Variants in PTPRK observed in about 807,000 individuals in gnomAD.
PTPRK encodes the protein receptor-type tyrosine-protein phosphatase kappa.
In PTPRK, 75 loss-of-function variants were observed where a neutral mutation model predicts 178.0. The observed-to-expected ratio is 0.42, with a 90% CI of 0.35 to 0.51. PTPRK has a LOEUF of 0.51. Ranked by LOEUF, PTPRK falls within the 20% of genes least tolerant of loss-of-function variation. PTPRK has a pLI of 0.02. For synonymous variants in PTPRK, 637 were observed against 620.6 expected, an observed-to-expected ratio of 1.03 and a Z score of -0.39; for missense variants, 1,441 against 1,797.8, an observed-to-expected ratio of 0.80 and a Z score of 3.59.
chr6:128,221,957 A>G (rs1486137202), intron 5 of PTPRK, among the ~76,000 whole-genome samples: 1 of 151,834 alleles, frequency 6.6e-6, no homozygotes, highest in East Asian at 1.9e-4. Flanking sequence ...CAATCTTCCT[A>G]ATTGGAAGGC....
At chr6:128,103,269 G>C (rs567769538) in intron 7 of PTPRK, among the ~76,000 whole-genome samples, 2 of 151,986 alleles carry the variant, frequency 1.3e-5, no homozygotes, top group Non-Finnish European at 2.9e-5. Context: ...CATACATCCC[G>C]CTGAGAGCCA....
intron 1 of PTPRK, among the ~76,000 whole-genome samples, chr6:128,489,442 G>A (rs1054713647): frequency 2.6e-5 from 4 of 152,104 alleles, no homozygotes; most frequent in African/African-American, 7.2e-5. Flanking sequence ...CCATGAGCTG[G>A]AACAAACTTC....
Position 128,184,853 on chromosome 6 carries a change from A to G in PTPRK, c.869-128T>C, listed in dbSNP as rs955951070. 20 of 987,542 alleles carry G rather than the reference A, an allele frequency of 2.0e-5. 1 individual carries two copies. The South Asian group carries it at 3.5e-4, about 17-fold the overall frequency. 61.2% of individuals were successfully genotyped at this position (987,542 alleles called of 1,614,324 possible). On this transcript the variant is annotated intron_variant, in intron 6 of 29. Coordinates refer to ENST00000368226, the MANE Select transcript of PTPRK (RefSeq NM_002844.4). ...AATGCATAATAAATACTTGAAAGAA[A>G]ACTAGAAGACGCATGATCTGACAAC...
intron 6 of PTPRK, among the ~76,000 whole-genome samples, chr6:128,199,194 A>G (rs1259999969): frequency 1.3e-5 from 2 of 152,214 alleles, no homozygotes. Flanking sequence ...TATTGTAAAT[A>G]GCTCAAGGTG....
chr6:128,442,459 T>C (rs1309041661), intron 1 of PTPRK, among the ~76,000 whole-genome samples: 1 of 152,160 alleles, frequency 6.6e-6, no homozygotes, highest in Non-Finnish European at 1.5e-5. Flanking sequence ...AACATTTGCA[T>C]GTTATCAAAT....
rs372061149 is a variant in PTPRK, at chr6:128,298,654, T to C, written c.495+23385A>G. ...TCTCAATAGATGCAGAAAAGGCCGTTGACAAAATTCAATAACCCTTCATGC... is the reference window on the plus strand; with the variant it reads ...TCTCAATAGATGCAGAAAAGGCCGTCGACAAAATTCAATAACCCTTCATGC... On this transcript the variant is annotated intron_variant, in intron 3 of 29. Coordinates refer to ENST00000368226, the MANE Select transcript of PTPRK (RefSeq NM_002844.4). 3.9e-5 allele frequency among the ~76,000 whole-genome samples: 6 copies of C among 152,260 alleles called. No individual in the cohort carries two copies. In the South Asian group the frequency reaches 6.2e-4, roughly 16 times the overall value.
chr6:128,240,149 A>G lies in PTPRK; in HGVS notation c.579T>C (p.Asp193=). ...DDIQVLSYPC[D]KSPHFLRLGD... ...CTAGACGGAGGAAATGAGGAGATTTATCTGTGAAGGAAGGGAAAAAAAAAT... is the reference window on the plus strand; with the variant it reads ...CTAGACGGAGGAAATGAGGAGATTTGTCTGTGAAGGAAGGGAAAAAAAAAT... The change falls in exon 5 of 30, where the codon GAT becomes GAC. Residue 193 remains aspartate (D), a splice_region_variant and synonymous_variant. Coordinates refer to ENST00000368226, the MANE Select transcript of PTPRK (RefSeq NM_002844.4). 1.2e-6 allele frequency: 2 copies of G among 1,603,272 alleles called. No individual in the cohort carries two copies. The highest frequency in any genetic ancestry group is 1.7e-6 in the Non-Finnish European group (2 of 1,173,054).
rs1050127572 is a variant in PTPRK at position 128,367,116 on chromosome 6, C to T, written c.223+30450G>A. Among the ~76,000 whole-genome samples the T allele has an allele frequency of 8.5e-5, 13 of 152,184 alleles. No homozygotes were observed. The South Asian group carries it at 1.5e-3, about 17-fold the overall frequency. ...TCTTTAAGGATGTAAACTCCATAAG[C>T]GAAGAATAATCTACTACTCTGTTGA... On this transcript the variant is annotated intron_variant, in intron 2 of 29. Transcript: ENST00000368226.
At chr6:128,038,757 C>T (rs903488562) in intron 13 of PTPRK, among the ~76,000 whole-genome samples, 57 of 152,096 alleles carry the variant, frequency 3.7e-4, no homozygotes, top group African/African-American at 1.3e-3. Flanking sequence ...TTTCAAAGTG[C>T]AACAAAATGC....
intron 2 of PTPRK, among the ~76,000 whole-genome samples, chr6:128,370,920 T>G (rs1836184829): frequency 6.6e-6 from 1 of 152,160 alleles, no homozygotes; most frequent in East Asian, 1.9e-4. Flanking sequence ...TTTTTGTCCT[T>G]TGTTAACATC....
intron 7 of PTPRK, among the ~76,000 whole-genome samples, chr6:128,182,989 T>A (rs1366900540): frequency 6.6e-6 from 1 of 152,172 alleles, no homozygotes; most frequent in African/African-American, 2.4e-5. Flanking sequence ...ATCACTGGAA[T>A]ACCAAATTGT....
intron 2 of PTPRK, among the ~76,000 whole-genome samples, chr6:128,387,772 C>A (rs746529214): frequency 2.0e-5 from 3 of 151,906 alleles, no homozygotes; most frequent in Non-Finnish European, 2.9e-5. Flanking sequence ...ATAAGGTAAG[C>A]TTACTAGGGG....
At chr6:128,438,862 A>G (rs1439490718) in intron 1 of PTPRK, among the ~76,000 whole-genome samples, 1 of 152,142 alleles carries the variant, frequency 6.6e-6, no homozygotes, top group Non-Finnish European at 1.5e-5. Flanking sequence ...CACAAAAAAT[A>G]CTTCCAATAG....
intron 1 of PTPRK, among the ~76,000 whole-genome samples, chr6:128,505,613 C>A (rs556331654): frequency 6.6e-6 from 1 of 152,212 alleles, no homozygotes; most frequent in Admixed American, 6.5e-5. Context: ...GCCTGCAGTG[C>A]AAAGAGCTTC....
chr6:128,318,183 G>A (rs1828297081), intron 3 of PTPRK, among the ~76,000 whole-genome samples: 1 of 152,128 alleles, frequency 6.6e-6, no homozygotes, highest in African/African-American at 2.4e-5. Context: ...TTGCATGGAT[G>A]GTTCATGAGT....
intron 7 of PTPRK, among the ~76,000 whole-genome samples, chr6:128,103,502 A>G (rs903865117): frequency 6.6e-6 from 1 of 152,108 alleles, no homozygotes; most frequent in Non-Finnish European, 1.5e-5. Flanking sequence ...CTAGAGCCCA[A>G]AAGTGCTCAC....
At chr6:128,204,573 A>G (rs968891655) in intron 6 of PTPRK, among the ~76,000 whole-genome samples, 9 of 152,134 alleles carry the variant, frequency 5.9e-5, no homozygotes, top group Non-Finnish European at 1.2e-4. Flanking sequence ...AATTTACAAG[A>G]AGAAAACAAC....
intron 1 of PTPRK, chr6:128,500,431 AT>A (rs1855383514): frequency 6.6e-6 from 1 of 152,158 alleles, no homozygotes; most frequent in Non-Finnish European, 1.5e-5. Flanking sequence ...ATGAATTACA[AT>A]TTACCCAGCA....
At chr6:128,255,940 AG>A (rs2128291241) in intron 3 of PTPRK, among the ~76,000 whole-genome samples, 1 of 152,378 alleles carries the variant, frequency 6.6e-6, no homozygotes, top group South Asian at 2.1e-4. Flanking sequence ...GTAGATTCAT[AG>A]GTTTTCTTTA....
Sources: allele counts gnomAD v4.1 joint callset (sites outside exome capture counted in the v4.1 genomes callset), GRCh38; gene constraint gnomAD v4.1.1; transcripts MANE v1.5; gene names NCBI Gene and HGNC (gene_info 2026-07-23, HGNC 2026-07-21).